GALNTL6: variants seen among roughly 807,000 people sequenced by gnomAD.
GALNTL6 encodes the protein polypeptide N-acetylgalactosaminyltransferase like 6.
A neutral mutation model predicts 73.7 loss-of-function variants in GALNTL6; 46 were observed. That is an observed-to-expected ratio of 0.62 (90% CI 0.49 to 0.80). The LOEUF (loss-of-function observed/expected upper bound fraction) is 0.80. GALNTL6 is among the 30% of genes least tolerant of loss of function. GALNTL6 has a pLI of 0.00. For missense variants in GALNTL6, 604 were observed against 755.0 expected (o/e 0.80, Z 2.34); for synonymous variants, 259 against 263.7 (o/e 0.98, Z 0.17).
chr4:172,162,634 C>T (rs1231348932), intron 2 of GALNTL6, among the ~76,000 whole-genome samples: 1 of 151,902 alleles, frequency 6.6e-6, no homozygotes, highest in Non-Finnish European at 1.5e-5. Flanking sequence ...GATCACAAGG[C>T]AGAAAGATTA....
At chr4:172,583,522 G>C (rs77648188) in intron 5 of GALNTL6, among the ~76,000 whole-genome samples, 8,607 of 152,186 alleles carry the variant, frequency 0.057, 368 homozygotes, top group Non-Finnish European at 0.085. Flanking sequence ...AGCAAATTTG[G>C]AAGCGTAAAT....
At chr4:172,841,024 C>G (rs754587237) in intron 7 of GALNTL6, among the ~76,000 whole-genome samples, 2 of 152,212 alleles carry the variant, frequency 1.3e-5, no homozygotes, top group Non-Finnish European at 2.9e-5. Flanking sequence ...ATCCTGCCTC[C>G]TCCACCATTC....
Position 172,672,957 on chromosome 4 carries a change from T to C in GALNTL6, c.554-136404T>C, listed in dbSNP as rs952134322. ...GATAACAGTCTATTTTTTTATTAATTTTTTCAAAAAATGAGCTTCTGGATT... is the reference window on the plus strand; with the variant it reads ...GATAACAGTCTATTTTTTTATTAATCTTTTCAAAAAATGAGCTTCTGGATT... On this transcript the variant is annotated intron_variant, in intron 5 of 12. Transcript: ENST00000506823. Among the ~76,000 whole-genome samples the C allele has an allele frequency of 2.6e-5, 4 of 152,230 alleles. No individual in the cohort carries two copies. In the South Asian group the frequency reaches 8.3e-4, roughly 32 times the overall value.
At chr4:171,860,080 C>G (rs892198896) in intron 2 of GALNTL6, among the ~76,000 whole-genome samples, 1 of 152,180 alleles carries the variant, frequency 6.6e-6, no homozygotes. Context: ...TAACCTTTTA[C>G]TGTCCACATA....
At chr4:171,973,115 A>G (rs1020412599) in intron 2 of GALNTL6, among the ~76,000 whole-genome samples, 1 of 152,080 alleles carries the variant, frequency 6.6e-6, no homozygotes, top group African/African-American at 2.4e-5. Flanking sequence ...AAGCTGACCC[A>G]CTTCACATTT....
At chr4:172,542,045 A>G (rs1202707944) in intron 5 of GALNTL6, among the ~76,000 whole-genome samples, 1 of 151,816 alleles carries the variant, frequency 6.6e-6, no homozygotes, top group Non-Finnish European at 1.5e-5. Flanking sequence ...AATGTAGGAC[A>G]TGGACACACA....
intron 5 of GALNTL6, among the ~76,000 whole-genome samples, chr4:172,370,735 G>A (rs1008815950): frequency 6.6e-6 from 1 of 151,496 alleles, no homozygotes; most frequent in African/African-American, 2.4e-5. Context: ...ACTGGTTAGT[G>A]TAAAAACAAC....
chr4:172,957,703 G>C (rs1209565417), intron 10 of GALNTL6, among the ~76,000 whole-genome samples: 10 of 152,190 alleles, frequency 6.6e-5, no homozygotes. Context: ...TGGTGGTGCA[G>C]GATATGGAAG....
At chr4:172,794,970 T>C (rs1740186902) in intron 5 of GALNTL6, among the ~76,000 whole-genome samples, 1 of 152,130 alleles carries the variant, frequency 6.6e-6, no homozygotes, top group African/African-American at 2.4e-5. Context: ...TTTGGACAGA[T>C]TACCAAGAAC....
At chr4:172,527,227 T>A (rs1182095956) in intron 5 of GALNTL6, among the ~76,000 whole-genome samples, 1 of 152,146 alleles carries the variant, frequency 6.6e-6, no homozygotes, top group Non-Finnish European at 1.5e-5. Context: ...CTGAAGTAGA[T>A]TTGATTTTGC....
At chr4:172,827,112 C>T (rs1742312125) in intron 7 of GALNTL6, among the ~76,000 whole-genome samples, 1 of 152,198 alleles carries the variant, frequency 6.6e-6, no homozygotes, top group South Asian at 2.1e-4. Context: ...TCCATCTGCT[C>T]TCTTGCATGG....
intron 2 of GALNTL6, among the ~76,000 whole-genome samples, chr4:171,904,107 G>A (rs936389349): frequency 7.9e-5 from 12 of 152,202 alleles, no homozygotes; most frequent in Non-Finnish European, 1.2e-4. Flanking sequence ...CCAAAGGAAC[G>A]TAGTTCCTCA....
At chr4:172,014,914 T>C (rs1247506513) in intron 2 of GALNTL6, among the ~76,000 whole-genome samples, 1 of 152,022 alleles carries the variant, frequency 6.6e-6, no homozygotes, top group African/African-American at 2.4e-5. Flanking sequence ...TCTGAGAGGG[T>C]ACTTGATATA....
intron 5 of GALNTL6, among the ~76,000 whole-genome samples, chr4:172,670,180 T>A (rs1731896173): frequency 6.6e-6 from 1 of 152,164 alleles, no homozygotes; most frequent in Admixed American, 6.5e-5. Context: ...GTAATGGGAT[T>A]GCTGGGTCAA....
At chr4:172,681,621 C>T (rs1290387021) in intron 5 of GALNTL6, among the ~76,000 whole-genome samples, 1 of 151,980 alleles carries the variant, frequency 6.6e-6, no homozygotes, top group Admixed American at 6.6e-5. Flanking sequence ...TAATATGATT[C>T]CTTTATAAAA....
intron 3 of GALNTL6, among the ~76,000 whole-genome samples, chr4:172,288,667 C>G (rs1739355092): frequency 6.6e-6 from 1 of 152,136 alleles, no homozygotes; most frequent in Non-Finnish European, 1.5e-5. Context: ...GCTACAGCTC[C>G]TGGCACATAA....
At chr4:171,868,690 C>T (rs1365578934) in intron 2 of GALNTL6, among the ~76,000 whole-genome samples, 4 of 148,616 alleles carry the variant, frequency 2.7e-5, no homozygotes, top group African/African-American at 9.9e-5. Context: ...TTCTTTCTTT[C>T]TTTTTTTTTT....
chr4:172,552,399 G>T (rs1401899863), intron 5 of GALNTL6, among the ~76,000 whole-genome samples: 2 of 151,996 alleles, frequency 1.3e-5, no homozygotes, highest in African/African-American at 4.8e-5. Flanking sequence ...TGAATTGCCA[G>T]TGCAAATATA....
intron 3 of GALNTL6, among the ~76,000 whole-genome samples, chr4:172,310,229 T>C (rs181401992): frequency 9.2e-5 from 14 of 152,206 alleles, no homozygotes; most frequent in Non-Finnish European, 1.8e-4. Flanking sequence ...ATTTTGTACA[T>C]AGCATTTTAA....
Sources: gnomAD v4.1 joint callset for allele counts (sites outside exome capture counted in the v4.1 genomes callset) on GRCh38, gnomAD v4.1.1 for gene constraint, MANE v1.5 for transcripts, NCBI Gene and HGNC (gene_info 2026-07-23, HGNC 2026-07-21) for gene names.